The following IPO11 variants were observed in gnomAD, a reference collection of about 807,000 sequenced individuals.
The protein encoded by IPO11 is importin-11.
A neutral mutation model predicts 143.2 loss-of-function variants in IPO11; 66 were observed. The ratio of observed to expected loss-of-function variants is 0.46; its 90% CI spans 0.38 to 0.57. The LOEUF is 0.57. Among genes scored for constraint, IPO11 ranks in the 20% least tolerant of loss-of-function variants. The pLI is 0.00. For missense variants in IPO11, 1,026 were observed against 1,141.0 expected (o/e 0.90, Z 1.45); for synonymous variants, 385 against 377.8 (o/e 1.02, Z -0.22).
At chr5:62,464,714 T>C (rs1745508476) in intron 5 of IPO11, among the ~76,000 whole-genome samples, 1 of 151,964 alleles carries the variant, frequency 6.6e-6, no homozygotes, top group African/African-American at 2.4e-5. Context: ...CCCCAGGTGA[T>C]CATCTGCCTC....
intron 14 of IPO11, 51 bp downstream of exon 14, chr5:62,489,400 G>C (rs775180508): frequency 7.6e-7 from 1 of 1,308,212 alleles, no homozygotes; most frequent in South Asian, 1.4e-5. Context: ...AGTAGATGGA[G>C]AGTCTGTTTT....
chr5:62,476,119 T>A (rs1191857060), intron 8 of IPO11, among the ~76,000 whole-genome samples: 1 of 152,220 alleles, frequency 6.6e-6, no homozygotes, highest in East Asian at 1.9e-4. Context: ...CTAAAAATAG[T>A]CATTTTTCTC....
chr5:62,562,492 C>T (rs1743805338), intron 27 of IPO11, among the ~76,000 whole-genome samples: 1 of 152,164 alleles, frequency 6.6e-6, no homozygotes, highest in Non-Finnish European at 1.5e-5. Flanking sequence ...ACATCCCTTG[C>T]ATGCACTGTT....
At position 62,412,789 on chromosome 5, in the gene IPO11, T is replaced by C. The variant is rs1413672450; in HGVS notation, c.-147T>C. Reference sequence around the variant, plus strand: ...TCGTTTGGAGCTGCGACGCCAAACATGGCGTGTTCCTAGAAGCCGCTTTCG... The same window carrying C: ...TCGTTTGGAGCTGCGACGCCAAACACGGCGTGTTCCTAGAAGCCGCTTTCG... On this transcript the variant is annotated 5_prime_UTR_variant, in exon 1 of 30. An upstream start codon of the reference 5' UTR is lost. Transcript: ENST00000325324. The C allele has an allele frequency of 6.5e-6, 1 of 152,714 alleles. No homozygotes were observed. The highest frequency in any genetic ancestry group is 2.4e-5 in the African/African-American group (1 of 41,470). The allele number at this position is 152,714 out of a possible 1,614,324, so 9.5% of individuals were successfully genotyped here. A position where few individuals can be genotyped will look rare whatever the true frequency, so the allele number is the denominator to read the frequency against.
chr5:62,566,215 C>T (rs1159764715), intron 27 of IPO11, among the ~76,000 whole-genome samples: 2 of 152,154 alleles, frequency 1.3e-5, no homozygotes, highest in Non-Finnish European at 2.9e-5. Context: ...CTGTCTTCCA[C>T]AATCATTGAA....
intron 29 of IPO11, among the ~76,000 whole-genome samples, chr5:62,616,746 TC>T (rs1312620219): frequency 9.1e-6 from 1 of 109,708 alleles, no homozygotes; most frequent in Non-Finnish European, 1.8e-5. Flanking sequence ...AAAAAAAAAA[TC>T]AGTGAGAGAA....
At chr5:62,573,094 T>C (rs1744197572) in intron 27 of IPO11, among the ~76,000 whole-genome samples, 1 of 152,142 alleles carries the variant, frequency 6.6e-6, no homozygotes, top group Admixed American at 6.5e-5. Context: ...TCGCCCAGGC[T>C]GGAGTGCAGT....
At chr5:62,598,530 TCTTTC>T (rs1561380948) in intron 28 of IPO11, among the ~76,000 whole-genome samples, 177 of 16,582 alleles carry the variant, frequency 0.011, 22 homozygotes, top group African/African-American at 0.049. Context: ...TTCTTTCTTT[TCTTTC>T]TTTTCTTTCT....
At chr5:62,567,744 T>C (rs1744004630) in intron 27 of IPO11, among the ~76,000 whole-genome samples, 1 of 151,618 alleles carries the variant, frequency 6.6e-6, no homozygotes, top group Non-Finnish European at 1.5e-5. Context: ...GTATTTTTAG[T>C]AGAGACACGG....
intron 1 of IPO11, chr5:62,419,199 A>G (rs926291464): frequency 4.0e-6 from 6 of 1,498,280 alleles, no homozygotes; most frequent in Admixed American, 2.0e-5. Context: ...GAAGTAAAAA[A>G]TGGTACATCT....
chr5:62,433,724 G>A lies in IPO11; in HGVS notation c.-6-3550G>A, dbSNP rs1234619109. Reference sequence around the variant, plus strand: ...AGATACTGGAAGGAGGCAGGGATGGGAAACTCTAGCAGATTCCACTAGAAC... The same window carrying A: ...AGATACTGGAAGGAGGCAGGGATGGAAAACTCTAGCAGATTCCACTAGAAC... On this transcript the variant is annotated intron_variant, in intron 1 of 29. Coordinates refer to ENST00000325324, the MANE Select transcript of IPO11 (RefSeq NM_016338.5). Among the ~76,000 whole-genome samples the A allele has an allele frequency of 2.0e-5, 3 of 152,234 alleles. No individual in the cohort carries two copies. In the East Asian group the frequency reaches 5.8e-4, roughly 29 times the overall value.
intron 3 of IPO11, among the ~76,000 whole-genome samples, chr5:62,449,494 G>C (rs1163980069): frequency 6.6e-6 from 1 of 150,476 alleles, no homozygotes; most frequent in Non-Finnish European, 1.5e-5. Context: ...ATATTTACTT[G>C]TATAGATTTT....
In IPO11 at chr5:62,423,564, G is replaced by A. The variant is rs181763337; in HGVS notation, c.-7+10635G>A. Among the ~76,000 whole-genome samples the A allele has an allele frequency of 6.0e-3, 910 of 152,266 alleles. 3 individuals are homozygous for A. The highest frequency in any genetic ancestry group is 0.019 in the South Asian group (92 of 4,818). ...AGCAACTTTAGTGATCTCTGTGTCCGTTAGCGGCCATTTTAAAAAGCATAC... is the reference window on the plus strand; with the variant it reads ...AGCAACTTTAGTGATCTCTGTGTCCATTAGCGGCCATTTTAAAAAGCATAC... On this transcript the variant is annotated intron_variant, in intron 1 of 29. Coordinates refer to ENST00000325324, the MANE Select transcript of IPO11 (RefSeq NM_016338.5).
chr5:62,542,096 ATGGAGTTACGCTCTTGTTGCCCAGGC>A (rs1742971229), intron 24 of IPO11, among the ~76,000 whole-genome samples: 1 of 150,810 alleles, frequency 6.6e-6, no homozygotes, highest in African/African-American at 2.4e-5. Flanking sequence ...TTTTTTTAAG[ATGGAGTTACGCTCTTGTTGCCCAGGC>A]TGGAGTGCAA....
chr5:62,580,944 A>C (rs748742061), intron 27 of IPO11: 7 of 1,551,230 alleles, frequency 4.5e-6, no homozygotes, highest in Admixed American at 2.0e-5. Context: ...ACAGTGCTCT[A>C]CCGAATGATG....
chr5:62,513,687 G>A (rs1253706432), intron 19 of IPO11, among the ~76,000 whole-genome samples: 2 of 143,144 alleles, frequency 1.4e-5, no homozygotes, highest in African/African-American at 5.2e-5. Flanking sequence ...CGGGCGGGGG[G>A]CTGAGCCCCC....
intron 27 of IPO11, among the ~76,000 whole-genome samples, chr5:62,586,770 TA>T (rs1561375307): frequency 3.1e-5 from 2 of 65,322 alleles, no homozygotes; most frequent in African/African-American, 1.5e-4. Context: ...AAAAAAAAAA[TA>T]TATATATATA....
intron 3 of IPO11, among the ~76,000 whole-genome samples, chr5:62,447,670 C>T (rs967487994): frequency 2.7e-4 from 41 of 151,842 alleles, no homozygotes; most frequent in African/African-American, 9.2e-4. Flanking sequence ...ACTGCAACCT[C>T]GACTTCTCAG....
intron 1 of IPO11, among the ~76,000 whole-genome samples, chr5:62,417,755 A>G (rs1043313960): frequency 3.3e-5 from 5 of 152,202 alleles, no homozygotes; most frequent in Non-Finnish European, 5.9e-5. Context: ...GCTTTTTAGC[A>G]CAGGTCTCTC....
Sources: allele counts gnomAD v4.1 joint callset (sites outside exome capture counted in the v4.1 genomes callset), GRCh38; gene constraint gnomAD v4.1.1; transcripts MANE v1.5; gene names NCBI Gene and HGNC (gene_info 2026-07-23, HGNC 2026-07-21).